HEPHL1: variants seen among roughly 807,000 people sequenced by gnomAD.
The protein encoded by HEPHL1 is hephaestin like 1.
Under a neutral mutation model 122.0 loss-of-function variants are expected in HEPHL1, and 123 were observed. That is an observed-to-expected ratio of 1.01 (90% CI 0.87 to 1.17). HEPHL1 has a LOEUF of 1.17. Among genes scored for constraint, HEPHL1 ranks in the 50% most tolerant of loss-of-function variants. The probability of loss-of-function intolerance (pLI) is 0.00; values close to 1 mark genes in which losing one functional copy is unlikely to be tolerated. For synonymous variants in HEPHL1, 527 were observed against 508.9 expected (o/e 1.04, Z -0.48); for missense variants, 1,452 against 1,430.5 (o/e 1.01, Z -0.24).
chr11:94,111,696 ACC>A lies in HEPHL1; in HGVS notation c.3283_3284del (p.Pro1095TrpfsTer76). ...HPATVPSNERPGKEQLYFFGK... is the reference protein window; with the variant it reads ...HPATVPSNERXGKEQLYFFGK... ...ACAAGTTTATCTTTTTCACAGAACG[ACC>A]TGGCAAAGAGCAGCTCTATTTCTTT... On this transcript the variant is annotated frameshift_variant, in exon 20 of 20. Coordinates refer to ENST00000315765, the MANE Select transcript of HEPHL1 (RefSeq NM_001098672.2). LOFTEE classifies it high-confidence loss of function. The A allele has an allele frequency of 6.2e-7, 1 of 1,612,366 alleles. No individual in the cohort carries two copies. The highest frequency in any genetic ancestry group is 8.5e-7 in the Non-Finnish European group (1 of 1,178,960).
chr11:94,086,193 A>G lies in HEPHL1; in HGVS notation c.2080+4A>G, dbSNP rs1300626158. On this transcript the variant is annotated splice_donor_region_variant and intron_variant, in intron 11 of 19. Coordinates refer to ENST00000315765, the MANE Select transcript of HEPHL1 (RefSeq NM_001098672.2). ...TTCATGCAGCCAGACCATGCAGGTA[A>G]ACTTGCTGGGTCCATCTCAGGTGAC... 2 of 1,603,936 alleles carry G rather than the reference A, an allele frequency of 1.2e-6. No homozygotes were observed. Among genetic ancestry groups the G allele is most frequent in the South Asian group, 2.2e-5 (2 of 89,206 alleles).
intron 1 of HEPHL1, 147 bp from the exon 2 acceptor site, chr11:94,045,526 A>G: frequency 1.5e-6 from 1 of 648,988 alleles, no homozygotes; most frequent in African/African-American, 1.8e-5. Context: ...TAAATTGAGG[A>G]TAATCTTCCG....
At chr11:94,043,303 C>T (rs1377018092) in intron 1 of HEPHL1, among the ~76,000 whole-genome samples, 1 of 152,112 alleles carries the variant, frequency 6.6e-6, no homozygotes, top group Non-Finnish European at 1.5e-5. Flanking sequence ...TTACCTGAAG[C>T]TCCAGACTCA....
At chr11:94,107,266 C>T (rs1053190642) in intron 17 of HEPHL1, among the ~76,000 whole-genome samples, 4 of 152,168 alleles carry the variant, frequency 2.6e-5, no homozygotes, top group African/African-American at 9.7e-5. Flanking sequence ...AAGTATTAGC[C>T]TGCTATGATT....
chr11:94,036,553 T>A (rs1945726087), intron 1 of HEPHL1, among the ~76,000 whole-genome samples: 1 of 152,128 alleles, frequency 6.6e-6, no homozygotes, highest in African/African-American at 2.4e-5. Flanking sequence ...ATCCAACTGG[T>A]CTACCCATCT....
In HEPHL1 at chr11:94,104,523, T is replaced by G; in HGVS notation, c.2683-5T>G. 2.5e-6 allele frequency: 4 copies of G among 1,595,094 alleles called. No individual in the cohort carries two copies. The highest frequency in any genetic ancestry group is 3.4e-6 in the Non-Finnish European group (4 of 1,165,910). On this transcript the variant is annotated splice_region_variant and splice_polypyrimidine_tract_variant and intron_variant, in intron 15 of 19. Transcript: ENST00000315765. ...TCTTTTAACTCAGTTTATTTTTTCT[T>G]CCAGGATACGTATAGTGGTTTGATG...
chr11:94,080,932 C>A (rs1488827279), intron 9 of HEPHL1, among the ~76,000 whole-genome samples: 1 of 152,144 alleles, frequency 6.6e-6, no homozygotes, highest in African/African-American at 2.4e-5. Context: ...CCAGCAGTTC[C>A]ATTACTGGGC....
intron 9 of HEPHL1, among the ~76,000 whole-genome samples, chr11:94,076,856 C>T (rs1946129689): frequency 6.6e-6 from 1 of 152,240 alleles, no homozygotes. Context: ...TGGTCAGGTA[C>T]AGAATGTCAT....
intron 14 of HEPHL1, 38 bp from the exon 15 acceptor site, chr11:94,102,876 A>T: frequency 9.9e-7 from 1 of 1,013,012 alleles, no homozygotes; most frequent in Non-Finnish European, 1.6e-6. Flanking sequence ...TGAAACACAG[A>T]TAATTCTAAT....
chr11:94,042,883 A>AACAAACAAAC (rs1555058777), intron 1 of HEPHL1, among the ~76,000 whole-genome samples: 2 of 132,398 alleles, frequency 1.5e-5, no homozygotes, highest in African/African-American at 5.6e-5. Context: ...AATAAAAAAA[A>AACAAACAAAC]AAAAAAAAAA....
At chr11:94,101,444 G>A in intron 14 of HEPHL1, 109 bp downstream of exon 14, 1 of 1,082,204 alleles carries the variant, frequency 9.2e-7, no homozygotes, top group Non-Finnish European at 1.3e-6. Context: ...ATGTGTTTCA[G>A]CCATCATCTA....
rs763629616 is a variant in HEPHL1, at chr11:94,086,081, G to A, written c.1972G>A (p.Gly658Arg). 15 of 1,613,834 alleles carry A rather than the reference G, an allele frequency of 9.3e-6. No individual in the cohort carries two copies. In the African/African-American group the frequency reaches 1.9e-4, roughly 20 times the overall value. Residue 658 changes from glycine to arginine, a missense_variant, in exon 11 of 20, where the codon GGA (glycine) becomes AGA (arginine). Gly to Arg is a moderately radical substitution (Grantham distance 125). Transcript: ENST00000315765. ...IGLGTDTDMH[G>R]IVFQGNTIHL... ...ATTGGGCACTGACACTGACATGCAT[G>A]GAATTGTTTTTCAAGGGAACACCAT... is the stretch of plus-strand genomic sequence containing the variant.
At chr11:94,110,772 T>C in intron 17 of HEPHL1, 131 bp from the exon 18 acceptor site, 1 of 658,026 alleles carries the variant, frequency 1.5e-6, no homozygotes, top group South Asian at 2.1e-5. Context: ...ACTTCTATTC[T>C]TGATTCCTGC....
At position 94,093,634 on chromosome 11, in the gene HEPHL1, C is replaced by T; in HGVS notation, c.2428C>T (p.Leu810Phe). The change falls in exon 13 of 20, where the codon CTC becomes TTC. Residue 810 changes from leucine (L) to phenylalanine (F), a missense_variant. Coordinates refer to ENST00000315765, the MANE Select transcript of HEPHL1 (RefSeq NM_001098672.2). ...ACCACCACGAGAGGAGCACTTAGAA[C>T]TCCTGGGTATGGCACAGATTTCAGG... is the stretch of plus-strand genomic sequence containing the variant. ...ARPPREEHLE[L>F]LGPMIHAEVG... 6.2e-7 allele frequency: 1 copy of T among 1,613,092 alleles called. No individual in the cohort carries two copies. The highest frequency in any genetic ancestry group is 8.5e-7 in the Non-Finnish European group (1 of 1,179,650).
At chr11:94,080,085 T>C (rs1946157880) in intron 9 of HEPHL1, among the ~76,000 whole-genome samples, 2 of 152,180 alleles carry the variant, frequency 1.3e-5, no homozygotes, top group African/African-American at 4.8e-5. Flanking sequence ...ATTGTACTGA[T>C]ACAAAGTCAG....
At chr11:94,063,487 T>G (rs1946003648) in intron 2 of HEPHL1, 21 bp from the exon 3 acceptor site, 1 of 1,540,768 alleles carries the variant, frequency 6.5e-7, no homozygotes, top group South Asian at 1.2e-5. Flanking sequence ...TACCTTTTTT[T>G]TTAATTTTAT....
At chr11:94,028,945 TTTCTC>T (rs922347759) in intron 1 of HEPHL1, among the ~76,000 whole-genome samples, 3 of 152,038 alleles carry the variant, frequency 2.0e-5, no homozygotes, top group African/African-American at 4.8e-5. Context: ...AACAAACTAC[TTTCTC>T]TTATTTCTAT....
At chr11:94,084,673 A>G (rs1946200986) in intron 10 of HEPHL1, among the ~76,000 whole-genome samples, 2 of 152,346 alleles carry the variant, frequency 1.3e-5, no homozygotes, top group South Asian at 4.1e-4. Context: ...AAGATTCTCT[A>G]CCAGCCAGCC....
chr11:94,028,132 G>C (rs1945642337), intron 1 of HEPHL1, among the ~76,000 whole-genome samples: 1 of 152,124 alleles, frequency 6.6e-6, no homozygotes, highest in African/African-American at 2.4e-5. Flanking sequence ...CCTCTACACA[G>C]ACATGTGGGC....
Sources: allele counts gnomAD v4.1 joint callset (sites outside exome capture counted in the v4.1 genomes callset), GRCh38; gene constraint gnomAD v4.1.1; transcripts MANE v1.5; gene names NCBI Gene and HGNC (gene_info 2026-07-23, HGNC 2026-07-21).